Variants in CDH18 observed in about 807,000 individuals in gnomAD.
The protein encoded by CDH18 is cadherin 18.
Under a neutral mutation model 67.9 loss-of-function variants are expected in CDH18, and 31 were observed. That is an observed-to-expected ratio of 0.46 (90% confidence interval 0.34 to 0.62). The LOEUF (loss-of-function observed/expected upper bound fraction) is 0.62. CDH18 is among the 20% of genes least tolerant of loss of function. The pLI, the probability that CDH18 is intolerant of heterozygous loss-of-function variation, is 0.01. For synonymous variants in CDH18, 362 were observed against 347.2 expected (o/e 1.04, Z -0.48); for missense variants, 890 against 975.5 (o/e 0.91, Z 1.17).
At chr5:20,542,847 T>A (rs1277023705) in intron 1 of CDH18, among the ~76,000 whole-genome samples, 2 of 152,024 alleles carry the variant, frequency 1.3e-5, no homozygotes, top group Non-Finnish European at 2.9e-5. Context: ...AATATTTTTA[T>A]TAGTGTAAAC....
At chr5:20,079,704 A>G (rs571534971) in intron 2 of CDH18, among the ~76,000 whole-genome samples, 1 of 152,292 alleles carries the variant, frequency 6.6e-6, no homozygotes, top group East Asian at 1.9e-4. Context: ...TTGACCAACA[A>G]GTGGTCAAGA....
intron 2 of CDH18, among the ~76,000 whole-genome samples, chr5:19,961,684 T>A (rs188146370): frequency 2.0e-5 from 3 of 152,274 alleles, no homozygotes; most frequent in Non-Finnish European, 4.4e-5. Context: ...ATTACATTAC[T>A]CATGATTACA....
At chr5:20,231,659 C>T (rs1441586318) in intron 2 of CDH18, among the ~76,000 whole-genome samples, 1 of 151,528 alleles carries the variant, frequency 6.6e-6, no homozygotes, top group Non-Finnish European at 1.5e-5. Flanking sequence ...ACAAAGAAAT[C>T]ACTGGATAAT....
intron 2 of CDH18, among the ~76,000 whole-genome samples, chr5:20,073,950 G>C (rs572856230): frequency 1.3e-5 from 2 of 151,956 alleles, no homozygotes; most frequent in Non-Finnish European, 2.9e-5. Flanking sequence ...ATTTATCTTA[G>C]TTTGAAAATC....
chr5:20,380,434 A>G (rs943325272), intron 1 of CDH18, among the ~76,000 whole-genome samples: 4 of 152,220 alleles, frequency 2.6e-5, no homozygotes, highest in African/African-American at 9.6e-5. Flanking sequence ...AATTTCATGT[A>G]TCTTAATAGC....
chr5:19,625,315 ATTAT>A (rs775258582), intron 5 of CDH18, among the ~76,000 whole-genome samples: 3 of 151,790 alleles, frequency 2.0e-5, no homozygotes, highest in Non-Finnish European at 2.9e-5. Context: ...TTTTTGACAA[ATTAT>A]TTGTTTTTTT....
At chr5:20,294,169 A>T (rs192247026) in intron 1 of CDH18, among the ~76,000 whole-genome samples, 145 of 152,310 alleles carry the variant, frequency 9.5e-4, no homozygotes, top group African/African-American at 3.3e-3. Flanking sequence ...GGGAACACTT[A>T]CGAAAGCATT....
intron 2 of CDH18, among the ~76,000 whole-genome samples, chr5:20,144,798 A>C (rs114462208): frequency 0.012 from 1,806 of 152,254 alleles, 43 homozygotes; most frequent in African/African-American, 0.041. Context: ...AGTTAAAATG[A>C]AGTGATTAGC....
chr5:20,356,759 A>C (rs936867017), intron 1 of CDH18, among the ~76,000 whole-genome samples: 17 of 148,786 alleles, frequency 1.1e-4, no homozygotes, highest in Middle Eastern at 3.7e-3. Flanking sequence ...CTCTCTATAT[A>C]TATATATATA....
In CDH18 at chr5:20,397,102, CAT is replaced by C. The variant is rs369550208; in HGVS notation, c.-579-141599_-579-141598del. Among the ~76,000 whole-genome samples the C allele has an allele frequency of 4.0e-3, 604 of 152,152 alleles. 4 individuals carry two copies. Among genetic ancestry groups the C allele is most frequent in the African/African-American group, 0.014 (562 of 41,532 alleles). ...CTAGAAGAACATTTATTAGTCCACA[CAT>C]GTTTTTTGTTTTTGTTTTTGTTTTT... is the stretch of plus-strand genomic sequence containing the variant. On this transcript the variant is annotated intron_variant, in intron 1 of 14. Coordinates refer to the CDH18 transcript ENST00000507958.
At chr5:20,478,056 CT>C (rs1752555420) in intron 1 of CDH18, among the ~76,000 whole-genome samples, 3 of 152,130 alleles carry the variant, frequency 2.0e-5, no homozygotes, top group African/African-American at 7.2e-5. Context: ...GATTCATCAC[CT>C]GCTCAATAAA....
At chr5:19,774,511 G>T (rs185105027) in intron 3 of CDH18, among the ~76,000 whole-genome samples, 11 of 151,342 alleles carry the variant, frequency 7.3e-5, no homozygotes, top group Middle Eastern at 3.4e-3. Context: ...CTCATGAATG[G>T]GATAAGCACG....
At chr5:20,246,173 A>G (rs750781816) in intron 2 of CDH18, among the ~76,000 whole-genome samples, 31 of 152,350 alleles carry the variant, frequency 2.0e-4, no homozygotes, top group Non-Finnish European at 1.9e-4. Context: ...ATAATGTATC[A>G]AATTAAATAC....
Position 20,161,544 on chromosome 5 carries a change from C to T in CDH18, c.-518+93900G>A, listed in dbSNP as rs748345370. Among the ~76,000 whole-genome samples the T allele has an allele frequency of 3.9e-5, 6 of 152,204 alleles. No homozygotes were observed. In the South Asian group the frequency reaches 8.3e-4, roughly 21 times the overall value. ...ATTGAGGTAACCAGAGTAAGTTTTCCGTAATATCCAAATGCAGCATATTTA... is the reference window on the plus strand; with the variant it reads ...ATTGAGGTAACCAGAGTAAGTTTTCTGTAATATCCAAATGCAGCATATTTA... On this transcript the variant is annotated intron_variant, in intron 2 of 14. Transcript: ENST00000507958.
At chr5:20,520,093 C>T (rs1755651767) in intron 1 of CDH18, among the ~76,000 whole-genome samples, 1 of 151,040 alleles carries the variant, frequency 6.6e-6, no homozygotes, top group Admixed American at 6.6e-5. Flanking sequence ...AGCCACCACG[C>T]CCAGCAGCAG....
intron 1 of CDH18, among the ~76,000 whole-genome samples, chr5:20,300,006 A>G (rs921103109): frequency 2.0e-4 from 30 of 152,186 alleles, no homozygotes; most frequent in Non-Finnish European, 3.4e-4. Flanking sequence ...ATAAAATCAA[A>G]TAACTGTCGA....
intron 1 of CDH18, among the ~76,000 whole-genome samples, chr5:20,385,094 C>T (rs996753210): frequency 6.6e-6 from 1 of 152,134 alleles, no homozygotes; most frequent in South Asian, 2.1e-4. Flanking sequence ...ACTTTGGCCA[C>T]CCAAAGTGCT....
intron 2 of CDH18, among the ~76,000 whole-genome samples, chr5:20,103,669 G>T (rs1441178803): frequency 6.6e-6 from 1 of 151,430 alleles, no homozygotes; most frequent in Non-Finnish European, 1.5e-5. Context: ...GGAGGCAGAG[G>T]TTGCAGTGAG....
chr5:19,978,336 T>G (rs1798703316), intron 2 of CDH18, among the ~76,000 whole-genome samples: 1 of 152,134 alleles, frequency 6.6e-6, no homozygotes, highest in Non-Finnish European at 1.5e-5. Flanking sequence ...ATATGACTTT[T>G]TCATCAATTT....
Sources: gnomAD v4.1 joint callset for allele counts (sites outside exome capture counted in the v4.1 genomes callset) on GRCh38, gnomAD v4.1.1 for gene constraint, MANE v1.5 for transcripts, NCBI Gene and HGNC (gene_info 2026-07-23, HGNC 2026-07-21) for gene names.